DCAF8L2: variants seen among roughly 807,000 people sequenced by gnomAD.
The protein encoded by DCAF8L2 is DDB1 and CUL4 associated factor 8 like 2.
For synonymous variants in DCAF8L2, 200 were observed against 190.9 expected, an observed-to-expected ratio of 1.05 and a Z score of -0.39; for missense variants, 430 against 490.7, an observed-to-expected ratio of 0.88 and a Z score of 1.17.
the DCAF8L2 span, among the ~76,000 whole-genome samples, chrX:27,507,117 T>C: frequency 8.9e-6 from 1 of 112,114 alleles, no homozygotes; most frequent in South Asian, 3.7e-4. Flanking sequence ...TCTACTATCC[T>C]ATTTTACCTG....
At chrX:27,503,485 A>C in the DCAF8L2 span, among the ~76,000 whole-genome samples, 2 of 110,885 alleles carry the variant, frequency 1.8e-5, no homozygotes, top group East Asian at 5.6e-4. Flanking sequence ...ATAAGGTCTG[A>C]GGTTTAGGTT....
At chrX:27,677,272 C>T in intron 2 of DCAF8L2, among the ~76,000 whole-genome samples, 1 of 111,702 alleles carries the variant, frequency 9.0e-6, no homozygotes, top group Non-Finnish European at 1.9e-5. Context: ...TATTCTACTG[C>T]TAGACATATA....
chrX:27,702,930 C>T (rs751619069), intron 3 of DCAF8L2, among the ~76,000 whole-genome samples: 4 of 111,147 alleles, frequency 3.6e-5, no homozygotes, highest in African/African-American at 1.3e-4. Flanking sequence ...GATGACCTGA[C>T]CTTGTGTACA....
At chrX:27,608,547 A>C (rs1220074004) in intron 1 of DCAF8L2, among the ~76,000 whole-genome samples, 1 of 111,757 alleles carries the variant, frequency 8.9e-6, no homozygotes, top group Non-Finnish European at 1.9e-5. Context: ...TACAGAATGG[A>C]TACTGCAGTT....
At chrX:27,576,228 A>C in the DCAF8L2 span, among the ~76,000 whole-genome samples, 2 of 111,847 alleles carry the variant, frequency 1.8e-5, no homozygotes, top group African/African-American at 3.2e-5. Context: ...AACTTGTCTA[A>C]TGTATTGCTA....
At chrX:27,508,635 A>G in the DCAF8L2 span, among the ~76,000 whole-genome samples, 3 of 105,237 alleles carry the variant, frequency 2.9e-5, no homozygotes, top group African/African-American at 1.0e-4. Flanking sequence ...ATTCTCTGTC[A>G]CAGGCCTCAT....
chrX:27,661,366 A>G (rs1380984583), intron 2 of DCAF8L2, among the ~76,000 whole-genome samples: 3 of 111,395 alleles, frequency 2.7e-5, no homozygotes, highest in Non-Finnish European at 5.7e-5. Flanking sequence ...TTTATTGGTG[A>G]ATTCCAGTGT....
intron 2 of DCAF8L2, among the ~76,000 whole-genome samples, chrX:27,676,762 G>A (rs780067673): frequency 1.8e-5 from 2 of 111,485 alleles, no homozygotes; most frequent in East Asian, 2.8e-4. Context: ...CTTGGCATTC[G>A]GTATTCATGT....
At chrX:27,488,374 T>C in the DCAF8L2 span, among the ~76,000 whole-genome samples, 18 of 112,034 alleles carry the variant, frequency 1.6e-4, no homozygotes, top group African/African-American at 5.5e-4. Context: ...AGAGTTATTT[T>C]CATGTTCTGG....
chrX:27,523,409 AGTGTGTGTGTGTGTGT>A, the DCAF8L2 span, among the ~76,000 whole-genome samples: 7 of 96,532 alleles, frequency 7.3e-5, no homozygotes, highest in Middle Eastern at 5.2e-3. Flanking sequence ...CTGTCTACTG[AGTGTGTGTGTGTGTGT>A]GTGTGTGTGT....
chrX:27,597,037 C>A (rs1045125493), intron 1 of DCAF8L2, among the ~76,000 whole-genome samples: 11 of 111,456 alleles, frequency 9.9e-5, no homozygotes, highest in African/African-American at 3.6e-4. Flanking sequence ...GTCTAAATGT[C>A]TTTGCAAAGA....
At chrX:27,502,335 AATATATATATATATATATATATATAT>A in the DCAF8L2 span, among the ~76,000 whole-genome samples, 10 of 12,718 alleles carry the variant, frequency 7.9e-4, no homozygotes, top group Admixed American at 0.013. Context: ...AAAAAAAAAA[AATATATATATATATATATATATATAT>A]ATATATATAT....
At chrX:27,488,066 A>C in the DCAF8L2 span, among the ~76,000 whole-genome samples, 2 of 112,020 alleles carry the variant, frequency 1.8e-5, no homozygotes, top group African/African-American at 6.5e-5. Flanking sequence ...TTTATGAATC[A>C]ATTTTCCAAA....
intron 4 of DCAF8L2, among the ~76,000 whole-genome samples, chrX:27,716,785 T>C (rs1000551149): frequency 8.9e-6 from 1 of 112,150 alleles, no homozygotes; most frequent in Non-Finnish European, 1.9e-5. Context: ...GTTTGTTACA[T>C]AGGTAAAGGT....
chrX:27,704,516 G>T (rs1156949364), intron 3 of DCAF8L2, among the ~76,000 whole-genome samples: 1 of 110,223 alleles, frequency 9.1e-6, no homozygotes, highest in East Asian at 2.9e-4. Context: ...GGTATGAAGA[G>T]GGGGAGGAAA....
intron 2 of DCAF8L2, among the ~76,000 whole-genome samples, chrX:27,655,882 C>T (rs1929331923): frequency 9.0e-6 from 1 of 111,265 alleles, no homozygotes; most frequent in Non-Finnish European, 1.9e-5. Flanking sequence ...TTTGTGAGTT[C>T]AAATAGTTAA....
the DCAF8L2 span, among the ~76,000 whole-genome samples, chrX:27,559,133 C>T: frequency 9.0e-6 from 1 of 110,752 alleles, no homozygotes; most frequent in Non-Finnish European, 1.9e-5. Flanking sequence ...CTGTACAGCC[C>T]ATAGAACTGC....
chrX:27,552,389 C>T, the DCAF8L2 span, among the ~76,000 whole-genome samples: 2 of 111,243 alleles, frequency 1.8e-5, no homozygotes, highest in Non-Finnish European at 3.8e-5. Context: ...ATTTATATAG[C>T]ATTTCCCCTA....
At chrX:27,666,429 T>G (rs1017494570) in intron 2 of DCAF8L2, among the ~76,000 whole-genome samples, 8 of 111,917 alleles carry the variant, frequency 7.1e-5, no homozygotes, top group African/African-American at 2.6e-4. Context: ...AAGAGCCATT[T>G]AACCTTCCAA....
Sources: gnomAD v4.1 joint callset for allele counts (sites outside exome capture counted in the v4.1 genomes callset) on GRCh38, gnomAD v4.1.1 for gene constraint, MANE v1.5 for transcripts, NCBI Gene and HGNC (gene_info 2026-07-23, HGNC 2026-07-21) for gene names.